Variants in RGS20 observed in about 807,000 individuals in gnomAD.
RGS20 encodes gz-selective GTPase-activating protein.
RGS20 carries 30 observed loss-of-function variants against 33.6 expected under a neutral mutation model. The observed-to-expected ratio is 0.89, with a 90% CI of 0.67 to 1.21. The LOEUF is 1.21. Ranked by LOEUF, RGS20 falls within the 50% of genes most tolerant of loss-of-function variation. RGS20 has a pLI of 0.00. For synonymous variants in RGS20, 208 were observed against 197.9 expected (o/e 1.05, Z -0.43); for missense variants, 472 against 502.4 (o/e 0.94, Z 0.58).
chr8:53,938,020 A>C (rs1278253177), intron 2 of RGS20, among the ~76,000 whole-genome samples: 2 of 152,218 alleles, frequency 1.3e-5, no homozygotes, highest in African/African-American at 4.8e-5. Context: ...TTGGCCCAGC[A>C]ATCCCATTAC....
At chr8:53,915,788 G>T (rs1813465869) in intron 2 of RGS20, among the ~76,000 whole-genome samples, 1 of 152,048 alleles carries the variant, frequency 6.6e-6, no homozygotes, top group Admixed American at 6.6e-5. Flanking sequence ...GTTTAGAATT[G>T]GAGTCTCGCT....
intron 5 of RGS20, among the ~76,000 whole-genome samples, chr8:53,957,375 G>A (rs1486747334): frequency 1.3e-5 from 2 of 152,214 alleles, no homozygotes; most frequent in Non-Finnish European, 2.9e-5. Flanking sequence ...GATTACAGGC[G>A]TGAGCCACCA....
chr8:53,899,574 C>CCCTT (rs1266761251), intron 2 of RGS20, among the ~76,000 whole-genome samples: 2 of 152,230 alleles, frequency 1.3e-5, no homozygotes, highest in South Asian at 4.1e-4. Flanking sequence ...ACCACCAAGT[C>CCCTT]CCTTCCTCCA....
intron 5 of RGS20, among the ~76,000 whole-genome samples, chr8:53,957,912 C>A (rs913939548): frequency 4.5e-4 from 69 of 152,146 alleles, no homozygotes; most frequent in African/African-American, 1.5e-3. Flanking sequence ...CTAGAGAGGC[C>A]GAGGCGGGCG....
At chr8:53,927,311 CACCTT>C (rs1389842106) in intron 2 of RGS20, among the ~76,000 whole-genome samples, 1 of 150,922 alleles carries the variant, frequency 6.6e-6, no homozygotes, top group Non-Finnish European at 1.5e-5. Flanking sequence ...ACGATCTTCT[CACCTT>C]AGCCCCCCAA....
intron 1 of RGS20, among the ~76,000 whole-genome samples, chr8:53,869,091 A>G (rs1811994649): frequency 6.6e-6 from 1 of 152,182 alleles, no homozygotes; most frequent in African/African-American, 2.4e-5. Context: ...TCCCAGAAAA[A>G]CATTCTAAAA....
intron 1 of RGS20, among the ~76,000 whole-genome samples, chr8:53,872,731 C>A (rs559464941): frequency 6.6e-6 from 1 of 152,284 alleles, no homozygotes; most frequent in East Asian, 1.9e-4. Flanking sequence ...AGTGAGAGAA[C>A]CCCAAGAGAT....
intron 1 of RGS20, among the ~76,000 whole-genome samples, chr8:53,860,728 G>T (rs1166628473): frequency 2.6e-5 from 4 of 152,224 alleles, no homozygotes; most frequent in African/African-American, 9.6e-5. Flanking sequence ...CACTCTGGGA[G>T]GCCAAGACAG....
chr8:53,916,864 C>T (rs1289172627), intron 2 of RGS20, among the ~76,000 whole-genome samples: 2 of 152,108 alleles, frequency 1.3e-5, no homozygotes, highest in African/African-American at 4.8e-5. Flanking sequence ...TGCCAGAAAC[C>T]AGGAACTGTC....
At chr8:53,867,999 A>C (rs944902030) in intron 1 of RGS20, among the ~76,000 whole-genome samples, 1 of 152,194 alleles carries the variant, frequency 6.6e-6, no homozygotes, top group African/African-American at 2.4e-5. Context: ...TGCTGAGATT[A>C]TAGGCCTTGC....
At chr8:53,899,675 C>A (rs964182558) in intron 2 of RGS20, among the ~76,000 whole-genome samples, 1 of 152,176 alleles carries the variant, frequency 6.6e-6, no homozygotes, top group Admixed American at 6.6e-5. Context: ...TGATACGTGG[C>A]CTTTTCTAGC....
At chr8:53,925,776 CA>C (rs1279241435) in intron 2 of RGS20, among the ~76,000 whole-genome samples, 1 of 151,712 alleles carries the variant, frequency 6.6e-6, no homozygotes, top group Non-Finnish European at 1.5e-5. Flanking sequence ...TATTCAAGGT[CA>C]GTGTCTAAAG....
At chr8:53,935,456 A>G (rs1055755280) in intron 2 of RGS20, among the ~76,000 whole-genome samples, 3 of 152,228 alleles carry the variant, frequency 2.0e-5, no homozygotes, top group African/African-American at 7.2e-5. Context: ...ACAAACTACC[A>G]TCAGAGAATA....
rs34316630 is a variant in RGS20, at chr8:53,889,412, C to CTTTTTTTTTTT, written c.510+9839_510+9849dup. ...TCTTTCTTTCTTTCTCTCTCTCTCT[C>CTTTTTTTTTTT]TTTTTTTTTTTTTTTTTTTTTTTTT... is the stretch of plus-strand genomic sequence containing the variant. On this transcript the variant is annotated intron_variant, in intron 2 of 5. Coordinates refer to ENST00000297313, the MANE Select transcript of RGS20 (RefSeq NM_170587.4). Among the ~76,000 whole-genome samples, 52 of 41,862 alleles carry CTTTTTTTTTTT rather than the reference C, an allele frequency of 1.2e-3. 21 individuals are homozygous for CTTTTTTTTTTT. Among genetic ancestry groups the CTTTTTTTTTTT allele is most frequent in the Non-Finnish European group, 2.7e-3 (43 of 16,088 alleles). 27.5% of individuals were successfully genotyped at this position (41,862 alleles called of 152,430 possible). A position where few individuals can be genotyped will look rare whatever the true frequency, so the allele number is the denominator to read the frequency against.
intron 5 of RGS20, among the ~76,000 whole-genome samples, chr8:53,957,061 A>G (rs1022197444): frequency 1.3e-5 from 2 of 152,212 alleles, no homozygotes; most frequent in Non-Finnish European, 2.9e-5. Flanking sequence ...TCAGGGGAAG[A>G]GCTCACTAGG....
chr8:53,942,045 C>T (rs1367516897), intron 3 of RGS20, among the ~76,000 whole-genome samples: 2 of 151,748 alleles, frequency 1.3e-5, no homozygotes, highest in Admixed American at 6.6e-5. Flanking sequence ...AGGCCGAGGC[C>T]GGCAGATCAC....
intron 2 of RGS20, among the ~76,000 whole-genome samples, chr8:53,899,953 G>A (rs1812966863): frequency 6.6e-6 from 1 of 152,144 alleles, no homozygotes; most frequent in Non-Finnish European, 1.5e-5. Context: ...TCTGCTTGGT[G>A]AACTGGCAGA....
chr8:53,930,557 T>G (rs947866873), intron 2 of RGS20, among the ~76,000 whole-genome samples: 1 of 152,180 alleles, frequency 6.6e-6, no homozygotes, highest in African/African-American at 2.4e-5. Flanking sequence ...GTTTTTTGTT[T>G]TTTGTTTTTT....
At chr8:53,858,890 T>G (rs1246947734) in intron 1 of RGS20, among the ~76,000 whole-genome samples, 1 of 133,326 alleles carries the variant, frequency 7.5e-6, no homozygotes, top group African/African-American at 3.1e-5. Flanking sequence ...TGGGGTTATG[T>G]TTAAAAAAAA....
Sources: gnomAD v4.1 joint callset for allele counts (sites outside exome capture counted in the v4.1 genomes callset) on GRCh38, gnomAD v4.1.1 for gene constraint, MANE v1.5 for transcripts, NCBI Gene and HGNC (gene_info 2026-07-23, HGNC 2026-07-21) for gene names.